D2HGDH: variants seen among roughly 807,000 people sequenced by gnomAD.
D2HGDH encodes D-2-hydroxyglutarate dehydrogenase, mitochondrial.
Under a neutral mutation model 46.9 loss-of-function variants are expected in D2HGDH, and 31 were observed. The ratio of observed to expected loss-of-function variants is 0.66; its 90% CI spans 0.50 to 0.89. The LOEUF is 0.89. Ranked by LOEUF, D2HGDH falls within the 40% of genes least tolerant of loss-of-function variation. The pLI is 0.00. For missense variants in D2HGDH, 698 were observed against 720.8 expected (o/e 0.97, Z 0.36); for synonymous variants, 364 against 332.6 (o/e 1.09, Z -1.03).
chr2:241,752,083 G>A (rs918047163), intron 8 of D2HGDH, among the ~76,000 whole-genome samples: 4 of 131,092 alleles, frequency 3.1e-5, no homozygotes, highest in African/African-American at 5.5e-5. Context: ...AGTGGGAGGC[G>A]CCCTTGGTCA....
Position 241,749,030 on chromosome 2 carries a change from C to T in D2HGDH, c.854-1121C>T. On this transcript the variant is annotated intron_variant, in intron 6 of 9. Transcript: ENST00000321264. ...CCCTGTGAGGATGGTCCTGGTGTCC[C>T]TCGTGCTCGTGGGCTCGGTCCAGCT... The T allele has an allele frequency of 6.9e-6, 7 of 1,010,700 alleles. No homozygotes were observed. The South Asian group carries it at 2.5e-4, about 37-fold the overall frequency. The allele number at this position is 1,010,700 out of a possible 1,614,324, so 62.6% of individuals were successfully genotyped here. A position where few individuals can be genotyped will look rare whatever the true frequency, so the allele number is the denominator to read the frequency against.
chr2:241,740,881 G>T (rs1405128591), intron 2 of D2HGDH, 152 bp from the exon 3 acceptor site: 6 of 683,122 alleles, frequency 8.8e-6, no homozygotes, highest in Non-Finnish European at 1.1e-5. Flanking sequence ...GGAGGGAGAG[G>T]TTGCAGTGAG....
At chr2:241,752,202 C>T (rs1697372057) in intron 8 of D2HGDH, among the ~76,000 whole-genome samples, 1 of 152,200 alleles carries the variant, frequency 6.6e-6, no homozygotes, top group African/African-American at 2.4e-5. Flanking sequence ...CTCACCTTTG[C>T]CGCCTGACTG....
At chr2:241,763,468 C>T (rs1553613281) in intron 9 of D2HGDH, among the ~76,000 whole-genome samples, 3 of 151,974 alleles carry the variant, frequency 2.0e-5, no homozygotes, top group Admixed American at 6.5e-5. Flanking sequence ...GTGGGTCTCG[C>T]GGGACTGGAG....
chr2:241,747,828 G>A (rs1696275543), intron 6 of D2HGDH, among the ~76,000 whole-genome samples: 1 of 152,156 alleles, frequency 6.6e-6, no homozygotes, highest in African/African-American at 2.4e-5. Flanking sequence ...CTCCCAAAGT[G>A]CTGGGGCTAC....
At position 241,767,691 on chromosome 2, in the gene D2HGDH, T is replaced by C. The variant is rs113076082; in HGVS notation, c.1307-19T>C. ...GGGCTGCCCTGCCCAGCCTGACCCA[T>C]GTGCCCTTGTCCCTCCAGGAGATGG... On this transcript the variant is annotated intron_variant, in intron 9 of 9. Coordinates refer to ENST00000321264, the MANE Select transcript of D2HGDH (RefSeq NM_152783.5). 5.3e-4 allele frequency: 861 copies of C among 1,612,284 alleles called. 3 individuals carry two copies. The African/African-American group carries it at 1.0e-2, about 19-fold the overall frequency.
intron 9 of D2HGDH, among the ~76,000 whole-genome samples, chr2:241,758,576 G>A (rs1177039234): frequency 6.6e-6 from 1 of 151,892 alleles, no homozygotes; most frequent in African/African-American, 2.4e-5. Context: ...AAGCAGGCCC[G>A]CCACCTCACA....
intron 2 of D2HGDH, among the ~76,000 whole-genome samples, chr2:241,735,729 GTTTTTTCTTTT>G (rs1559337774): frequency 6.6e-6 from 1 of 152,104 alleles, no homozygotes; most frequent in Admixed American, 6.5e-5. Flanking sequence ...TTGTTGTTTT[GTTTTTTCTTTT>G]TTTTAAGACG....
At chr2:241,741,155 C>T (rs868598412) in intron 3 of D2HGDH, 65 bp downstream of exon 3, 1 of 1,490,598 alleles carries the variant, frequency 6.7e-7, no homozygotes, top group East Asian at 2.3e-5. Context: ...CCTCATGGAG[C>T]CTGTGGGCAG....
At position 241,767,992 on chromosome 2, in the gene D2HGDH, G is replaced by T; in HGVS notation, c.*23G>T. 1 of 1,570,752 alleles carries T rather than the reference G, an allele frequency of 6.4e-7. No homozygotes were observed. Among genetic ancestry groups the T allele is most frequent in the Non-Finnish European group, 8.6e-7 (1 of 1,163,568 alleles). On this transcript the variant is annotated 3_prime_UTR_variant, in exon 10 of 10. Transcript: ENST00000321264. ...TGACGGCCACTCCTGCTGCTGCCAA[G>T]GCCCACTGGGGGTCGGCGGGTGGCT...
intron 9 of D2HGDH, among the ~76,000 whole-genome samples, chr2:241,761,219 C>G (rs919153936): frequency 6.6e-6 from 1 of 152,144 alleles, no homozygotes; most frequent in Non-Finnish European, 1.5e-5. Context: ...TACCAGGAAT[C>G]GTAAGTAATC....
chr2:241,748,878 G>A (rs747068658), intron 6 of D2HGDH: 73 of 1,297,210 alleles, frequency 5.6e-5, no homozygotes, highest in Middle Eastern at 2.1e-4. Context: ...CCTGTGTGCC[G>A]CCCGCCTGTG....
At chr2:241,746,140 T>C (rs2125102159) in intron 6 of D2HGDH, among the ~76,000 whole-genome samples, 1 of 152,350 alleles carries the variant, frequency 6.6e-6, no homozygotes, top group African/African-American at 2.4e-5. Context: ...ATATTGTCTG[T>C]GTTTTCCTCT....
In D2HGDH at chr2:241,750,310, A is replaced by G. The variant is rs1408882713; in HGVS notation, c.997+16A>G. On this transcript the variant is annotated intron_variant, in intron 7 of 9. Coordinates refer to ENST00000321264, the MANE Select transcript of D2HGDH (RefSeq NM_152783.5). ...CCGGTGCAAGGTACTGACCCCCCACACAGGGGGCAGCTGGTCCTGCAGCTC... is the reference window on the plus strand; with the variant it reads ...CCGGTGCAAGGTACTGACCCCCCACGCAGGGGGCAGCTGGTCCTGCAGCTC... The G allele has an allele frequency of 6.5e-7, 1 of 1,532,196 alleles. No individual in the cohort carries two copies. The highest frequency in any genetic ancestry group is 1.4e-5 in the African/African-American group (1 of 71,832). 94.9% of individuals were successfully genotyped at this position (1,532,196 alleles called of 1,614,324 possible). A position where few individuals can be genotyped will look rare whatever the true frequency, so the allele number is the denominator to read the frequency against.
chr2:241,761,171 G>A lies in D2HGDH; in HGVS notation c.1306+5157G>A, dbSNP rs186725150. On this transcript the variant is annotated intron_variant, in intron 9 of 9. Coordinates refer to ENST00000321264, the MANE Select transcript of D2HGDH (RefSeq NM_152783.5). ...CAACAATAAAAAATAAACAAAAGAC[G>A]ATGTAGTATAACAGTGACAGACACA... 1.8e-4 allele frequency among the ~76,000 whole-genome samples: 28 copies of A among 152,234 alleles called. No individual in the cohort carries two copies. In the East Asian group the frequency reaches 3.3e-3, roughly 18 times the overall value.
Position 241,743,681 on chromosome 2 carries a change from C to CGG in D2HGDH, c.552_553dup (p.Asp185GlyfsTer9). 1 of 1,614,012 alleles carries CGG rather than the reference C, an allele frequency of 6.2e-7. No individual in the cohort carries two copies. The highest frequency in any genetic ancestry group is 8.5e-7 in the Non-Finnish European group (1 of 1,179,984). On this transcript the variant is annotated frameshift_variant, in exon 5 of 10. Transcript: ENST00000321264. LOFTEE classifies it high-confidence loss of function. The surrounding 1 kb of genome is among the most constrained non-coding windows in gnomAD (Gnocchi z 4.8). ...GGAGCTGAGCCGGTATGTGGAGGAA[C>CGG]GGGACTTCATCATGCCGCTGGACTT...
chr2:241,768,410 C>T lies in D2HGDH; in HGVS notation c.*441C>T, dbSNP rs959975222. ...CGTGGGCAGCAGGGGGCGTGGGCAGCGGGGGCACGGGCAGGACCACGTGGG... is the reference window on the plus strand; with the variant it reads ...CGTGGGCAGCAGGGGGCGTGGGCAGTGGGGGCACGGGCAGGACCACGTGGG... On this transcript the variant is annotated 3_prime_UTR_variant, in exon 10 of 10. Coordinates refer to ENST00000321264, the MANE Select transcript of D2HGDH (RefSeq NM_152783.5). The T allele has an allele frequency of 1.6e-5, 3 of 183,700 alleles. No homozygotes were observed. Among genetic ancestry groups the T allele is most frequent in the Non-Finnish European group, 3.4e-5 (3 of 87,740 alleles). 11.4% of individuals were successfully genotyped at this position (183,700 alleles called of 1,614,324 possible). A position where few individuals can be genotyped will look rare whatever the true frequency, so the allele number is the denominator to read the frequency against.
At chr2:241,764,731 G>C (rs1559402615) in intron 9 of D2HGDH, among the ~76,000 whole-genome samples, 2 of 152,350 alleles carry the variant, frequency 1.3e-5, no homozygotes, top group Admixed American at 1.3e-4. Context: ...GTTTGGGGTG[G>C]TGCGTCCTGG....
At position 241,750,810 on chromosome 2, in the gene D2HGDH, G is replaced by A. The variant is rs192897951; in HGVS notation, c.998-436G>A. Among the ~76,000 whole-genome samples, 48 of 152,156 alleles carry A rather than the reference G, an allele frequency of 3.2e-4. No individual in the cohort carries two copies. In the East Asian group the frequency reaches 7.5e-3, roughly 24 times the overall value. The stretch of plus-strand genomic sequence containing the variant: ...CCTGCCTCAGCAGCCTCCACCTCCC[G>A]GGTTCAAACGATTCTTCTGCCTCAG... On this transcript the variant is annotated intron_variant, in intron 7 of 9. Coordinates refer to ENST00000321264, the MANE Select transcript of D2HGDH (RefSeq NM_152783.5).
Sources: gnomAD v4.1 joint callset for allele counts (sites outside exome capture counted in the v4.1 genomes callset) on GRCh38, gnomAD v4.1.1 for gene constraint, Gnocchi (gnomAD v3.1) non-coding constraint, MANE v1.5 for transcripts, NCBI Gene and HGNC (gene_info 2026-07-23, HGNC 2026-07-21) for gene names.